The following MRPS6 variants were observed in gnomAD, a reference collection of about 807,000 sequenced individuals.
MRPS6 encodes the protein small ribosomal subunit protein bS6m.
In MRPS6, 6 loss-of-function variants were observed where a neutral mutation model predicts 13.1. The observed-to-expected ratio is 0.46, with a 90% confidence interval of 0.25 to 0.91. The LOEUF is 0.91. Among genes scored for constraint, MRPS6 ranks in the 40% least tolerant of loss-of-function variants. MRPS6 has a pLI of 0.18. For synonymous variants in MRPS6, 61 were observed against 56.5 expected (o/e 1.08, Z -0.36); for missense variants, 164 against 155.6 (o/e 1.05, Z -0.29).
chr21:34,124,446 TAATTCACC>T (rs1281261287), intron 1 of MRPS6: 1 of 152,162 alleles, frequency 6.6e-6, no homozygotes, highest in African/African-American at 2.4e-5. Context: ...CCAGAAAGTT[TAATTCACC>T]ATCCAGTCTA....
chr21:34,130,280 TAAAGA>T (rs1243053392), intron 2 of MRPS6, among the ~76,000 whole-genome samples: 1 of 152,188 alleles, frequency 6.6e-6, no homozygotes, highest in African/African-American at 2.4e-5. Flanking sequence ...CAAAAGTGAA[TAAAGA>T]AAATACAACC....
intron 1 of MRPS6, among the ~76,000 whole-genome samples, chr21:34,090,067 A>C (rs528150394): frequency 6.6e-6 from 1 of 152,306 alleles, no homozygotes; most frequent in African/African-American, 2.4e-5. Flanking sequence ...GCATCATGTC[A>C]GTTCTCAAAA....
intron 1 of MRPS6, among the ~76,000 whole-genome samples, chr21:34,117,989 CAATT>C (rs1348532098): frequency 6.6e-6 from 1 of 152,016 alleles, no homozygotes; most frequent in Non-Finnish European, 1.5e-5. Context: ...TATAGCCTGA[CAATT>C]AAATGACCAC....
In MRPS6 at chr21:34,096,563, G is replaced by A; in HGVS notation, c.45+22818G>A. On this transcript the variant is annotated intron_variant, in intron 1 of 2. Coordinates refer to ENST00000399312, the MANE Select transcript of MRPS6 (RefSeq NM_032476.4). This position sits in a 1 kb window ranked among gnomAD's most constrained non-coding sequence, Gnocchi z 5.9. The stretch of plus-strand genomic sequence containing the variant: ...ACCTGACACCCCCAGTGGCAGCCTT[G>A]TTCCTGCTGGCAATTTTCTGGAAGC... 6.2e-7 allele frequency: 1 copy of A among 1,614,034 alleles called. No individual in the cohort carries two copies. Among genetic ancestry groups the A allele is most frequent in the Non-Finnish European group, 8.5e-7 (1 of 1,179,994 alleles).
intron 1 of MRPS6, among the ~76,000 whole-genome samples, chr21:34,107,258 G>A (rs569275711): frequency 1.4e-4 from 21 of 152,234 alleles, no homozygotes; most frequent in Non-Finnish European, 3.1e-4. Flanking sequence ...AAGTAATACA[G>A]GCCAATCATT....
chr21:34,142,531 A>G lies in MRPS6; in HGVS notation c.309A>G (p.Lys103=). The change falls in exon 3 of 3, where the codon AAA becomes AAG. Residue 103 remains lysine (K), a synonymous_variant. Coordinates refer to ENST00000399312, the MANE Select transcript of MRPS6 (RefSeq NM_032476.4). ...IVKHPLTQEL[K]ECEGIVPVPL... ...AACACCCTCTGACCCAGGAACTAAA[A>G]GAATGTGAAGGGATTGTCCCAGTCC... is the stretch of plus-strand genomic sequence containing the variant. 6.2e-7 allele frequency: 1 copy of G among 1,613,678 alleles called. No individual in the cohort carries two copies. The highest frequency in any genetic ancestry group is 8.5e-7 in the Non-Finnish European group (1 of 1,179,858).
intron 1 of MRPS6, among the ~76,000 whole-genome samples, chr21:34,109,044 A>G (rs947620223): frequency 1.3e-5 from 2 of 152,116 alleles, no homozygotes; most frequent in African/African-American, 4.8e-5. Flanking sequence ...GGCAGTTTCT[A>G]AACTTTATCT....
chr21:34,100,613 A>C (rs1237520756), intron 1 of MRPS6: 1 of 1,000,098 alleles, frequency 1.0e-6, no homozygotes, highest in African/African-American at 1.7e-5. Context: ...ATGATACCTC[A>C]AGAAATTAGC....
At chr21:34,122,692 A>G (rs1180993142) in intron 1 of MRPS6, 1 of 151,496 alleles carries the variant, frequency 6.6e-6, no homozygotes, top group Non-Finnish European at 1.5e-5. Flanking sequence ...CTAATCAGAA[A>G]ACTAATCAAT....
intron 2 of MRPS6, among the ~76,000 whole-genome samples, chr21:34,139,600 C>G (rs972735183): frequency 6.6e-6 from 1 of 151,974 alleles, no homozygotes; most frequent in Non-Finnish European, 1.5e-5. Flanking sequence ...TTTTTTGAGA[C>G]AGAGTCTCGC....
At position 34,073,662 on chromosome 21, in the gene MRPS6, C is replaced by G. The variant is rs761453959; in HGVS notation, c.-39C>G. The G allele has an allele frequency of 6.6e-7, 1 of 1,510,474 alleles. No individual in the cohort carries two copies. 93.6% of individuals were successfully genotyped at this position (1,510,474 alleles called of 1,614,324 possible). A position where few individuals can be genotyped will look rare whatever the true frequency, so the allele number is the denominator to read the frequency against. Reference sequence around the variant, plus strand: ...GTCCCGCCCCTTCGCGTCCCGGGAACCGGCTGGCTTCCGAGCCGCACTCGC... The same window carrying G: ...GTCCCGCCCCTTCGCGTCCCGGGAAGCGGCTGGCTTCCGAGCCGCACTCGC... On this transcript the variant is annotated 5_prime_UTR_variant, in exon 1 of 3. Transcript: ENST00000399312.
chr21:34,108,804 G>A (rs952735554), intron 1 of MRPS6, among the ~76,000 whole-genome samples: 1 of 151,360 alleles, frequency 6.6e-6, no homozygotes, highest in African/African-American at 2.4e-5. Context: ...GAATTTTCTA[G>A]CCTCTAGCCT....
intron 1 of MRPS6, among the ~76,000 whole-genome samples, chr21:34,121,224 G>C (rs576824013): frequency 1.3e-5 from 2 of 152,080 alleles, no homozygotes; most frequent in African/African-American, 4.8e-5. Context: ...TATCAGAATT[G>C]GGGGGCATAA....
At chr21:34,124,552 A>G (rs1980234977) in intron 1 of MRPS6, 1 of 143,362 alleles carries the variant, frequency 7.0e-6, no homozygotes, top group Non-Finnish European at 1.5e-5. Flanking sequence ...ACTTGTGCCC[A>G]GTGTATACCC....
At position 34,125,281 on chromosome 21, in the gene MRPS6, A is replaced by T; in HGVS notation, c.46-60A>T. 1.9e-6 allele frequency: 3 copies of T among 1,588,182 alleles called. No individual in the cohort carries two copies. The South Asian group carries it at 3.5e-5, about 18-fold the overall frequency. ...GGAACTGAGCAGACTTAATCATTCT[A>T]GCTCTTATATTAATTCTGATGCTTT... On this transcript the variant is annotated intron_variant, in intron 1 of 2. Transcript: ENST00000399312.
At chr21:34,126,029 G>A in intron 2 of MRPS6, among the ~76,000 whole-genome samples, 1 of 152,178 alleles carries the variant, frequency 6.6e-6, no homozygotes, top group East Asian at 1.9e-4. Flanking sequence ...AACTATCTTT[G>A]TAGAAGTTCT....
intron 2 of MRPS6, among the ~76,000 whole-genome samples, chr21:34,140,704 C>G (rs2123279320): frequency 6.6e-6 from 1 of 152,280 alleles, no homozygotes; most frequent in African/African-American, 2.4e-5. Flanking sequence ...TTTCTCTGTT[C>G]AGTTCTGCTG....
chr21:34,102,839 T>G, intron 1 of MRPS6: 1 of 1,000,138 alleles, frequency 1.0e-6, no homozygotes, highest in Non-Finnish European at 1.2e-6. Context: ...TTCTAGGTTG[T>G]TTACATTCAG....
chr21:34,078,387 G>C (rs1602901574), intron 1 of MRPS6, among the ~76,000 whole-genome samples: 1 of 152,118 alleles, frequency 6.6e-6, no homozygotes, highest in South Asian at 2.1e-4. Context: ...TACAGCTAAG[G>C]TACAAGGAAT....
Sources: gnomAD v4.1 joint callset for allele counts (sites outside exome capture counted in the v4.1 genomes callset) on GRCh38, gnomAD v4.1.1 for gene constraint, Gnocchi (gnomAD v3.1) non-coding constraint, MANE v1.5 for transcripts, NCBI Gene and HGNC (gene_info 2026-07-23, HGNC 2026-07-21) for gene names.